The following LUZP2 variants were observed in gnomAD, a reference collection of about 807,000 sequenced individuals.
LUZP2 encodes leucine zipper protein 2.
LUZP2 carries 52 observed loss-of-function variants against 51.6 expected under a neutral mutation model. The ratio of observed to expected loss-of-function variants is 1.01; its 90% confidence interval spans 0.81 to 1.27. The LOEUF is 1.27. Ranked by LOEUF, LUZP2 falls within the 50% of genes most tolerant of loss-of-function variation. The probability of loss-of-function intolerance (pLI) is 0.00; values close to 1 mark genes in which losing one functional copy is unlikely to be tolerated. For missense variants in LUZP2, 436 were observed against 395.4 expected (o/e 1.10, Z -0.87); for synonymous variants, 154 against 137.3 (o/e 1.12, Z -0.85).
intron 9 of LUZP2, among the ~76,000 whole-genome samples, chr11:25,046,260 G>C (rs1424440812): frequency 2.6e-5 from 4 of 151,744 alleles, no homozygotes; most frequent in Middle Eastern, 3.4e-3. Context: ...TATTAGGAAG[G>C]TAGAAGGAAA....
intron 4 of LUZP2, among the ~76,000 whole-genome samples, chr11:24,753,749 G>A (rs1859674606): frequency 6.6e-6 from 1 of 152,084 alleles, no homozygotes; most frequent in Non-Finnish European, 1.5e-5. Flanking sequence ...ACCCTCTCTT[G>A]TGCGAAAGAC....
Position 25,055,011 on chromosome 11 carries a change from CTTT to C in LUZP2, c.858+4896_858+4898del, listed in dbSNP as rs71044332. ...ATTTTCTTAAATCTTTTTTTCTTTT[CTTT>C]TTTTTTTTTTTTTTCGAGGCGGAGT... On this transcript the variant is annotated intron_variant, in intron 10 of 11. Transcript: ENST00000336930. Among the ~76,000 whole-genome samples the C allele has an allele frequency of 5.2e-3, 412 of 79,008 alleles. 4 individuals are homozygous for C. The highest frequency in any genetic ancestry group is 0.017 in the African/African-American group (379 of 22,738). The allele number at this position is 79,008 out of a possible 152,430, so 51.8% of individuals were successfully genotyped here. A position where few individuals can be genotyped will look rare whatever the true frequency, so the allele number is the denominator to read the frequency against.
At chr11:24,596,014 C>A (rs1348977004) in intron 1 of LUZP2, among the ~76,000 whole-genome samples, 2 of 152,178 alleles carry the variant, frequency 1.3e-5, no homozygotes, top group Non-Finnish European at 2.9e-5. Flanking sequence ...CGCATACCTC[C>A]TCCTCTACAT....
At chr11:24,930,686 T>C (rs919486905) in intron 7 of LUZP2, among the ~76,000 whole-genome samples, 2 of 152,180 alleles carry the variant, frequency 1.3e-5, no homozygotes, top group South Asian at 4.1e-4. Context: ...TTAGATAACC[T>C]GATGACTATG....
At chr11:25,033,692 C>T (rs1241557196) in intron 9 of LUZP2, among the ~76,000 whole-genome samples, 1 of 152,026 alleles carries the variant, frequency 6.6e-6, no homozygotes. Flanking sequence ...TTTCTGTTCC[C>T]ATGTTAATTC....
intron 1 of LUZP2, among the ~76,000 whole-genome samples, chr11:24,562,118 A>C (rs533323063): frequency 6.6e-6 from 1 of 152,222 alleles, no homozygotes; most frequent in East Asian, 1.9e-4. Context: ...AGTTTTTGAC[A>C]CTGAATAATG....
chr11:24,783,877 A>G (rs904198888), intron 5 of LUZP2, among the ~76,000 whole-genome samples: 1 of 151,996 alleles, frequency 6.6e-6, no homozygotes, highest in Admixed American at 6.6e-5. Flanking sequence ...ACCTACCTCA[A>G]GGTATTTGTA....
chr11:24,579,535 C>A (rs370048844), intron 1 of LUZP2, among the ~76,000 whole-genome samples: 5 of 152,042 alleles, frequency 3.3e-5, no homozygotes, highest in Non-Finnish European at 7.4e-5. Context: ...ATGGTTTCAA[C>A]TTTTGATTCT....
intron 1 of LUZP2, among the ~76,000 whole-genome samples, chr11:24,604,216 A>G (rs1853836095): frequency 6.6e-6 from 1 of 151,830 alleles, no homozygotes; most frequent in Non-Finnish European, 1.5e-5. Flanking sequence ...TGTGAGTAGA[A>G]AGCATAAATT....
At chr11:24,643,076 G>A (rs572653629) in intron 1 of LUZP2, among the ~76,000 whole-genome samples, 8 of 151,874 alleles carry the variant, frequency 5.3e-5, no homozygotes, top group East Asian at 1.9e-4. Flanking sequence ...GGCAAAACGT[G>A]ATGAGAGCCT....
At chr11:24,609,194 T>C (rs948404372) in intron 1 of LUZP2, among the ~76,000 whole-genome samples, 37 of 152,038 alleles carry the variant, frequency 2.4e-4, no homozygotes, top group Admixed American at 2.2e-3. Context: ...ACAAGCAAGC[T>C]TTAAAAAAAA....
intron 9 of LUZP2, among the ~76,000 whole-genome samples, chr11:25,012,576 C>G (rs1409575286): frequency 6.6e-6 from 1 of 152,080 alleles, no homozygotes; most frequent in Admixed American, 6.6e-5. Flanking sequence ...GAAGCATGCC[C>G]TTAGTCTTAT....
chr11:24,630,673 C>CT lies in LUZP2; in HGVS notation c.63-98477dup, dbSNP rs57556855. On this transcript the variant is annotated intron_variant, in intron 1 of 11. Coordinates refer to ENST00000336930, the MANE Select transcript of LUZP2 (RefSeq NM_001009909.4). ...CTTGTAATGGCTTTGGCTATTCCGACTTTTTTTTTTTTTTTTTTTGCTGTT... is the reference window on the plus strand; with the variant it reads ...CTTGTAATGGCTTTGGCTATTCCGACTTTTTTTTTTTTTTTTTTTTGCTGTT... 9.1e-3 allele frequency among the ~76,000 whole-genome samples: 1,198 copies of CT among 131,582 alleles called. 6 individuals carry two copies. Among genetic ancestry groups the CT allele is most frequent in the Middle Eastern group, 0.036 (8 of 220 alleles). The allele number at this position is 131,582 out of a possible 152,430, so 86.3% of individuals were successfully genotyped here.
At position 25,073,806 on chromosome 11, in the gene LUZP2, T is replaced by C. The variant is rs141478193; in HGVS notation, c.859-3523T>C. 5.3e-3 allele frequency among the ~76,000 whole-genome samples: 813 copies of C among 152,210 alleles called. 7 individuals carry two copies. The highest frequency in any genetic ancestry group is 0.019 in the African/African-American group (773 of 41,556). On this transcript the variant is annotated intron_variant, in intron 10 of 11. Coordinates refer to ENST00000336930, the MANE Select transcript of LUZP2 (RefSeq NM_001009909.4). ...GATCATAAATATTGTTTTGTAACCA[T>C]TAATGTTAGTAATGACAATAATCAA...
intron 1 of LUZP2, among the ~76,000 whole-genome samples, chr11:24,535,189 C>T (rs1170359102): frequency 6.6e-6 from 1 of 150,528 alleles, no homozygotes; most frequent in Non-Finnish European, 1.5e-5. Flanking sequence ...TTCCTAAATC[C>T]TGTTTTGCTA....
At chr11:24,922,837 C>CTTTTTT (rs749672583) in intron 7 of LUZP2, among the ~76,000 whole-genome samples, 14 of 47,370 alleles carry the variant, frequency 3.0e-4, no homozygotes, top group South Asian at 1.3e-3. Context: ...TTTTTTTTTT[C>CTTTTTT]TTTTTTTTTT....
chr11:24,899,360 T>C (rs955859602), intron 5 of LUZP2, among the ~76,000 whole-genome samples: 2 of 151,788 alleles, frequency 1.3e-5, no homozygotes, highest in Admixed American at 6.6e-5. Context: ...TTTGAAGTGG[T>C]ACAATATCAA....
At chr11:24,836,100 T>G (rs1850853005) in intron 5 of LUZP2, among the ~76,000 whole-genome samples, 1 of 151,970 alleles carries the variant, frequency 6.6e-6, no homozygotes, top group African/African-American at 2.4e-5. Flanking sequence ...CTTTCAAAGT[T>G]TGGGCTATAA....
Position 24,763,308 on chromosome 11 carries a change from G to T in LUZP2, c.396G>T (p.Glu132Asp). 7.4e-7 allele frequency: 1 copy of T among 1,351,982 alleles called. No homozygotes were observed. The highest frequency in any genetic ancestry group is 1.8e-5 in the South Asian group (1 of 55,508). The allele number at this position is 1,351,982 out of a possible 1,614,324, so 83.7% of individuals were successfully genotyped here. A position where few individuals can be genotyped will look rare whatever the true frequency, so the allele number is the denominator to read the frequency against. Reference sequence around the variant, plus strand: ...AAATGATCCGAGACCTCCAGAATGAGGTAAGATATATTTCATCTTAGATAC... The same window carrying T: ...AAATGATCCGAGACCTCCAGAATGATGTAAGATATATTTCATCTTAGATAC... ...KSKMIRDLQN[E>D]NKSLKNKLLS... The change falls in exon 5 of 12, where the codon GAG (glutamate) becomes GAT (aspartate). Residue 132 changes from glutamate (E) to aspartate (D), a missense_variant and splice_region_variant. Coordinates refer to ENST00000336930, the MANE Select transcript of LUZP2 (RefSeq NM_001009909.4).
Sources: gnomAD v4.1 joint callset for allele counts (sites outside exome capture counted in the v4.1 genomes callset) on GRCh38, gnomAD v4.1.1 for gene constraint, MANE v1.5 for transcripts, NCBI Gene and HGNC (gene_info 2026-07-23, HGNC 2026-07-21) for gene names.